The following PDE1C variants were observed in gnomAD, a reference collection of about 807,000 sequenced individuals.
PDE1C encodes the protein dual specificity calcium/calmodulin-dependent 3',5'-cyclic nucleotide phosphodiesterase 1C.
Under a neutral mutation model 93.1 loss-of-function variants are expected in PDE1C, and 62 were observed. The ratio of observed to expected loss-of-function variants is 0.67; its 90% CI spans 0.54 to 0.82. The LOEUF (loss-of-function observed/expected upper bound fraction) is 0.82. PDE1C is among the 40% of genes least tolerant of loss of function. The probability of loss-of-function intolerance (pLI) is 0.00; values close to 1 mark genes in which losing one functional copy is unlikely to be tolerated. For synonymous variants in PDE1C, 325 were observed against 310.1 expected (o/e 1.05, Z -0.50); for missense variants, 742 against 884.6 (o/e 0.84, Z 2.04).
intron 2 of PDE1C, among the ~76,000 whole-genome samples, chr7:31,904,092 T>C (rs149763223): frequency 4.3e-4 from 65 of 152,184 alleles, no homozygotes; most frequent in African/African-American, 1.5e-3. Context: ...AGAGTGAAGA[T>C]TTTGAAGATT....
At chr7:32,288,879 G>A (rs1812167527) in intron 1 of PDE1C, among the ~76,000 whole-genome samples, 1 of 152,186 alleles carries the variant, frequency 6.6e-6, no homozygotes, top group African/African-American at 2.4e-5. Flanking sequence ...AGGGCTGGAG[G>A]GTTCCCCTAT....
At chr7:32,141,822 C>T (rs572297674) in intron 3 of PDE1C, among the ~76,000 whole-genome samples, 148 of 152,224 alleles carry the variant, frequency 9.7e-4, no homozygotes, top group African/African-American at 3.3e-3. Flanking sequence ...ACAAAGATAC[C>T]ACAGAAATAT....
At chr7:32,416,014 G>A (rs1246443245) in intron 1 of PDE1C, among the ~76,000 whole-genome samples, 4 of 152,172 alleles carry the variant, frequency 2.6e-5, no homozygotes, top group Admixed American at 6.5e-5. Context: ...CTCCACCAGG[G>A]TGGAGGGGCA....
intron 2 of PDE1C, among the ~76,000 whole-genome samples, chr7:32,195,977 A>C (rs541563793): frequency 3.9e-5 from 6 of 152,212 alleles, no homozygotes; most frequent in African/African-American, 1.2e-4. Flanking sequence ...ATCATTGTAC[A>C]ATGCTATAGT....
the PDE1C span, among the ~76,000 whole-genome samples, chr7:31,673,262 T>C: frequency 7.2e-5 from 11 of 152,158 alleles, no homozygotes; most frequent in African/African-American, 2.4e-4. Context: ...TAGATGAAGA[T>C]TCTGTTTGAT....
chr7:32,098,229 C>CAAAAAAAAAAAAAAAAAAAAAAAAAA (rs60146342), intron 3 of PDE1C, among the ~76,000 whole-genome samples: 1 of 46,290 alleles, frequency 2.2e-5, no homozygotes, highest in Non-Finnish European at 4.1e-5. Flanking sequence ...GACTCCGTCT[C>CAAAAAAAAAAAAAAAAAAAAAAAAAA]AAAAAAAAAA....
chr7:32,308,547 A>C (rs991255228), intron 1 of PDE1C, among the ~76,000 whole-genome samples: 2 of 147,638 alleles, frequency 1.4e-5, no homozygotes, highest in African/African-American at 5.0e-5. Flanking sequence ...CCAGAGGAAC[A>C]ATCAGGCAGC....
rs1341122532 is a variant in PDE1C at position 31,950,661 on chromosome 7, ATTAAT to A, written c.129-69806_129-69802del. Among the ~76,000 whole-genome samples, 12 of 152,310 alleles carry A rather than the reference ATTAAT, an allele frequency of 7.9e-5. No homozygotes were observed. The East Asian group carries it at 1.7e-3, about 22-fold the overall frequency. On this transcript the variant is annotated intron_variant, in intron 2 of 17. Coordinates refer to ENST00000396191, the MANE Select transcript of PDE1C (RefSeq NM_001191057.4). The stretch of plus-strand genomic sequence containing the variant: ...TACAGCAATAAACTTGAATCCACTC[ATTAAT>A]TTAAGTAAACCGTTCACAATCTTTA...
intron 2 of PDE1C, among the ~76,000 whole-genome samples, chr7:32,047,542 A>G (rs913540299): frequency 2.6e-5 from 4 of 152,192 alleles, no homozygotes; most frequent in African/African-American, 7.2e-5. Context: ...GTCTTGGAAG[A>G]GATTAGTATA....
intron 17 of PDE1C, among the ~76,000 whole-genome samples, chr7:31,760,962 G>A (rs1794797438): frequency 6.6e-6 from 1 of 152,148 alleles, no homozygotes; most frequent in Admixed American, 6.5e-5. Context: ...CAGGAGTTTT[G>A]AACTGCAAGG....
chr7:32,054,067 A>C (rs949241086), intron 1 of PDE1C, among the ~76,000 whole-genome samples: 12 of 151,734 alleles, frequency 7.9e-5, no homozygotes, highest in African/African-American at 2.9e-4. Flanking sequence ...TAAGGCTGGC[A>C]AGTGCTAAGG....
chr7:32,386,089 C>T (rs201433262), intron 1 of PDE1C, among the ~76,000 whole-genome samples: 10 of 137,506 alleles, frequency 7.3e-5, no homozygotes, highest in Non-Finnish European at 9.3e-5. Flanking sequence ...CTTTTTCTTT[C>T]TTTTTTTTTT....
intron 3 of PDE1C, among the ~76,000 whole-genome samples, chr7:32,135,409 T>C (rs1273415467): frequency 6.6e-6 from 1 of 151,810 alleles, no homozygotes. Context: ...AAAGAACTCA[T>C]ACAACTCAAT....
chr7:31,962,032 G>A (rs570534959), intron 2 of PDE1C, among the ~76,000 whole-genome samples: 61 of 152,234 alleles, frequency 4.0e-4, no homozygotes, highest in African/African-American at 1.4e-3. Flanking sequence ...AAAACTGATG[G>A]TATACTGTTA....
chr7:31,818,046 T>C (rs1273871468), intron 14 of PDE1C, among the ~76,000 whole-genome samples: 5 of 152,134 alleles, frequency 3.3e-5, no homozygotes, highest in Non-Finnish European at 5.9e-5. Context: ...GGGGCAAGAA[T>C]AGGATAGTTT....
intron 1 of PDE1C, among the ~76,000 whole-genome samples, chr7:32,319,414 G>A (rs1783241058): frequency 6.6e-6 from 1 of 151,912 alleles, no homozygotes; most frequent in African/African-American, 2.4e-5. Context: ...CAGCCAGCAC[G>A]AGAAGGGACT....
At chr7:32,263,501 G>C (rs1810365200) in intron 1 of PDE1C, among the ~76,000 whole-genome samples, 1 of 152,110 alleles carries the variant, frequency 6.6e-6, no homozygotes, top group Non-Finnish European at 1.5e-5. Context: ...CCTAAGAATA[G>C]AGATAGCATA....
chr7:31,824,718 T>G, intron 13 of PDE1C, 149 bp downstream of exon 13: 1 of 973,800 alleles, frequency 1.0e-6, no homozygotes, highest in Non-Finnish European at 1.5e-6. Context: ...TCAACTCCTC[T>G]GAGAAAAGGA....
chr7:32,232,046 C>T (rs1422889066), intron 1 of PDE1C, among the ~76,000 whole-genome samples: 3 of 151,668 alleles, frequency 2.0e-5, no homozygotes, highest in African/African-American at 4.8e-5. Flanking sequence ...CACATTCCAC[C>T]CTATCTCTCC....
Sources: gnomAD v4.1 joint callset for allele counts (sites outside exome capture counted in the v4.1 genomes callset) on GRCh38, gnomAD v4.1.1 for gene constraint, MANE v1.5 for transcripts, NCBI Gene and HGNC (gene_info 2026-07-23, HGNC 2026-07-21) for gene names.